Variants in PAK5 observed in about 807,000 individuals in gnomAD.
PAK5 encodes the protein p21 (RAC1) activated kinase 5, also known as serine/threonine-protein kinase PAK 5.
In PAK5, 16 loss-of-function variants were observed where a neutral mutation model predicts 65.9. The ratio of observed to expected loss-of-function variants is 0.24; its 90% CI spans 0.16 to 0.37. The LOEUF (loss-of-function observed/expected upper bound fraction) is 0.37. Among genes scored for constraint, PAK5 ranks in the 10% least tolerant of loss-of-function variants. The pLI, the probability that PAK5 is intolerant of heterozygous loss-of-function variation, is 1.00. For synonymous variants in PAK5, 371 were observed against 354.9 expected, an observed-to-expected ratio of 1.05 and a Z score of -0.51; for missense variants, 785 against 903.9, an observed-to-expected ratio of 0.87 and a Z score of 1.69.
intron 2 of PAK5, among the ~76,000 whole-genome samples, chr20:9,690,986 C>T (rs2047789134): frequency 1.3e-5 from 2 of 152,036 alleles, no homozygotes; most frequent in South Asian, 4.2e-4. Flanking sequence ...AACTCCTGAC[C>T]TCAGGTGATC....
At chr20:9,794,966 G>C (rs2123723964) in intron 1 of PAK5, among the ~76,000 whole-genome samples, 1 of 151,734 alleles carries the variant, frequency 6.6e-6, no homozygotes, top group Middle Eastern at 3.4e-3. Flanking sequence ...GTATCCCCTA[G>C]GCCTCCTCTC....
At chr20:9,768,439 A>G (rs2048794647) in intron 1 of PAK5, among the ~76,000 whole-genome samples, 1 of 150,764 alleles carries the variant, frequency 6.6e-6, no homozygotes, top group African/African-American at 2.5e-5. Flanking sequence ...ACAAACCTGT[A>G]TATGTACCCC....
intron 2 of PAK5, among the ~76,000 whole-genome samples, chr20:9,685,300 G>C (rs1455633724): frequency 6.6e-6 from 1 of 152,080 alleles, no homozygotes; most frequent in African/African-American, 2.4e-5. Context: ...TAACTTCCAA[G>C]GTCTCAGAAT....
chr20:9,636,573 CA>C (rs1249843906), intron 3 of PAK5, among the ~76,000 whole-genome samples: 3 of 152,128 alleles, frequency 2.0e-5, no homozygotes, highest in African/African-American at 7.2e-5. Context: ...TGTGACTCTT[CA>C]ATCTTTAAAA....
At chr20:9,671,983 G>C (rs2047505132) in intron 2 of PAK5, among the ~76,000 whole-genome samples, 1 of 152,058 alleles carries the variant, frequency 6.6e-6, no homozygotes, top group Non-Finnish European at 1.5e-5. Flanking sequence ...CAGAAATCTA[G>C]ATAAGAAAGA....
At chr20:9,550,995 C>T (rs1277780426) in intron 7 of PAK5, among the ~76,000 whole-genome samples, 2 of 152,014 alleles carry the variant, frequency 1.3e-5, no homozygotes, top group African/African-American at 4.8e-5. Context: ...ATCCTAATAA[C>T]CATCTCCCTG....
At position 9,697,412 on chromosome 20, in the gene PAK5, C is replaced by T. The variant is rs574461231; in HGVS notation, c.-12+13874G>A. Among the ~76,000 whole-genome samples, 15 of 152,134 alleles carry T rather than the reference C, an allele frequency of 9.9e-5. No individual in the cohort carries two copies. The South Asian group carries it at 3.1e-3, about 32-fold the overall frequency. ...TTGTTTTACCTGCCCCAAATATCTCCAAATATGCTATTCCCTGTATCTACC... is the reference window on the plus strand; with the variant it reads ...TTGTTTTACCTGCCCCAAATATCTCTAAATATGCTATTCCCTGTATCTACC... On this transcript the variant is annotated intron_variant, in intron 2 of 9. Coordinates refer to ENST00000353224, the MANE Select transcript of PAK5 (RefSeq NM_177990.4).
chr20:9,811,410 G>T (rs529015845), intron 1 of PAK5, among the ~76,000 whole-genome samples: 3 of 152,150 alleles, frequency 2.0e-5, no homozygotes, highest in South Asian at 2.1e-4. Flanking sequence ...GAAAGCTTTT[G>T]GTTTGTTTTG....
chr20:9,660,529 A>T (rs1301737482), intron 2 of PAK5, among the ~76,000 whole-genome samples: 2 of 151,962 alleles, frequency 1.3e-5, no homozygotes, highest in Non-Finnish European at 2.9e-5. Context: ...AAAATTACGT[A>T]GTATATTAGA....
rs7261618 is a variant in PAK5 at position 9,560,472 on chromosome 20, G to C, written c.1616+2419C>G. ...ACTTCTGGGCTCAAGTGATCCTCCT[G>C]TCTTAGCCTCTCGAGTAGCTAGGAC... On this transcript the variant is annotated intron_variant, in intron 6 of 9. Coordinates refer to ENST00000353224, the MANE Select transcript of PAK5 (RefSeq NM_177990.4). Among the ~76,000 whole-genome samples the C allele has an allele frequency of 4.4e-3, 667 of 152,256 alleles. 6 individuals carry two copies. The highest frequency in any genetic ancestry group is 0.015 in the African/African-American group (637 of 41,538).
At position 9,539,633 on chromosome 20, in the gene PAK5, GAT is replaced by G; in HGVS notation, c.2005-18_2005-17del. On this transcript the variant is annotated splice_polypyrimidine_tract_variant and intron_variant, in intron 9 of 9. Transcript: ENST00000353224. ...CTGAAGAAACCTGTGAAAACACACAGATACCAATCTGAGGACTAACACAGACA... is the reference window on the plus strand; with the variant it reads ...CTGAAGAAACCTGTGAAAACACACAGACCAATCTGAGGACTAACACAGACA... 2.5e-6 allele frequency: 4 copies of G among 1,611,308 alleles called. No homozygotes were observed. The highest frequency in any genetic ancestry group is 3.4e-6 in the Non-Finnish European group (4 of 1,178,626).
intron 3 of PAK5, among the ~76,000 whole-genome samples, chr20:9,598,549 T>C (rs1175312963): frequency 1.3e-5 from 2 of 152,218 alleles, no homozygotes. Context: ...TCTTCCACAA[T>C]GGTTGAACTA....
chr20:9,702,923 T>C (rs1216334145), intron 2 of PAK5, among the ~76,000 whole-genome samples: 3 of 152,166 alleles, frequency 2.0e-5, no homozygotes, highest in Admixed American at 2.0e-4. Context: ...TCCCAGCCCA[T>C]AGATGGCAGC....
At chr20:9,679,451 G>C (rs1261263140) in intron 2 of PAK5, among the ~76,000 whole-genome samples, 2 of 152,080 alleles carry the variant, frequency 1.3e-5, no homozygotes, top group East Asian at 3.9e-4. Context: ...CTTCAATCTT[G>C]AGAACATTTT....
chr20:9,746,810 C>A (rs947813673), intron 1 of PAK5, among the ~76,000 whole-genome samples: 2 of 152,060 alleles, frequency 1.3e-5, no homozygotes, highest in African/African-American at 2.4e-5. Flanking sequence ...CAAAAGCTAG[C>A]AGAATGCAAG....
intron 3 of PAK5, among the ~76,000 whole-genome samples, chr20:9,601,670 A>T (rs2123108340): frequency 6.6e-6 from 1 of 152,266 alleles, no homozygotes; most frequent in South Asian, 2.1e-4. Flanking sequence ...CTGACTTTGA[A>T]CTTGGCCACG....
At chr20:9,666,059 C>G (rs532798782) in intron 2 of PAK5, among the ~76,000 whole-genome samples, 1 of 152,130 alleles carries the variant, frequency 6.6e-6, no homozygotes, top group Non-Finnish European at 1.5e-5. Flanking sequence ...CTTAACTAGC[C>G]TGCCAGGAAA....
chr20:9,600,906 T>G (rs1440490934), intron 3 of PAK5, among the ~76,000 whole-genome samples: 1 of 152,142 alleles, frequency 6.6e-6, no homozygotes, highest in Non-Finnish European at 1.5e-5. Context: ...TCTGGAGAGT[T>G]TTCCTGTCTG....
At chr20:9,706,822 T>C (rs540669682) in intron 2 of PAK5, among the ~76,000 whole-genome samples, 1 of 152,202 alleles carries the variant, frequency 6.6e-6, no homozygotes, top group African/African-American at 2.4e-5. Context: ...AATTTTTTTC[T>C]AAGAGATAAT....
Sources: allele counts gnomAD v4.1 joint callset (sites outside exome capture counted in the v4.1 genomes callset), GRCh38; gene constraint gnomAD v4.1.1; transcripts MANE v1.5; gene names NCBI Gene and HGNC (gene_info 2026-07-23, HGNC 2026-07-21).